The following SEM1 variants were observed in gnomAD, a reference collection of about 807,000 sequenced individuals.
The protein encoded by SEM1 is 26S proteasome complex subunit SEM1.
A neutral mutation model predicts 12.7 loss-of-function variants in SEM1; 3 were observed. That is an observed-to-expected ratio of 0.24 (90% confidence interval 0.11 to 0.61). SEM1 has a LOEUF of 0.61. Ranked by LOEUF, SEM1 falls within the 20% of genes least tolerant of loss-of-function variation. The pLI is 0.88. For synonymous variants in SEM1, 30 were observed against 27.8 expected, an observed-to-expected ratio of 1.08 and a Z score of -0.25; for missense variants, 59 against 81.3, an observed-to-expected ratio of 0.73 and a Z score of 1.06.
At chr7:96,600,721 G>A (rs977945649) in intron 2 of SEM1, among the ~76,000 whole-genome samples, 3 of 152,168 alleles carry the variant, frequency 2.0e-5, no homozygotes, top group African/African-American at 7.2e-5. Flanking sequence ...TCTGGCTAGT[G>A]ATGCTCAGTT....
intron 1 of SEM1, among the ~76,000 whole-genome samples, chr7:96,707,236 C>T (rs916705034): frequency 1.3e-5 from 2 of 152,282 alleles, no homozygotes; most frequent in African/African-American, 2.4e-5. Context: ...GACTCTAAAC[C>T]TTGACTAGAC....
downstream of SEM1, among the ~76,000 whole-genome samples, chr7:96,683,888 A>G (rs1000302202): frequency 3.9e-4 from 60 of 152,180 alleles, no homozygotes; most frequent in Admixed American, 6.5e-5. Flanking sequence ...GGGGTGGCGG[A>G]CTAGGGGAGG....
chr7:96,537,396 C>T (rs1804818936), intron 2 of SEM1, among the ~76,000 whole-genome samples: 2 of 151,684 alleles, frequency 1.3e-5, no homozygotes, highest in African/African-American at 4.8e-5. Context: ...AACTTTCTAA[C>T]TTCTTTCTTC....
chr7:96,500,561 C>T (rs968318324), upstream of SEM1, among the ~76,000 whole-genome samples: 6 of 152,056 alleles, frequency 3.9e-5, no homozygotes, highest in Non-Finnish European at 8.8e-5. Flanking sequence ...TATGTGTCCA[C>T]CTAAGAATAT....
intron 1 of SEM1, among the ~76,000 whole-genome samples, chr7:96,701,331 C>A (rs1417455506): frequency 6.6e-6 from 1 of 151,646 alleles, no homozygotes; most frequent in African/African-American, 2.4e-5. Context: ...TGAGGTCTTG[C>A]GGGTAGGGCT....
chr7:96,585,607 G>C (rs1466062453), intron 2 of SEM1, among the ~76,000 whole-genome samples: 1 of 152,382 alleles, frequency 6.6e-6, no homozygotes, highest in East Asian at 1.9e-4. Flanking sequence ...TGCTGTGCTA[G>C]CAATCAGCGA....
At chr7:96,700,646 T>G (rs1790241263) in intron 1 of SEM1, among the ~76,000 whole-genome samples, 1 of 152,240 alleles carries the variant, frequency 6.6e-6, no homozygotes, top group Admixed American at 6.5e-5. Flanking sequence ...TTTTCGCAGT[T>G]CATCACATCT....
intron 2 of SEM1, among the ~76,000 whole-genome samples, chr7:96,612,833 C>G (rs1391528271): frequency 6.6e-6 from 1 of 152,168 alleles, no homozygotes; most frequent in Non-Finnish European, 1.5e-5. Flanking sequence ...GACAGGGTTT[C>G]ACCATGTTAG....
intron 2 of SEM1, among the ~76,000 whole-genome samples, chr7:96,584,462 C>T (rs908085175): frequency 1.3e-5 from 2 of 152,084 alleles, no homozygotes; most frequent in African/African-American, 4.8e-5. Context: ...TTGCTCTTCT[C>T]GAGGAGTATC....
intron 2 of SEM1, among the ~76,000 whole-genome samples, chr7:96,532,444 T>C (rs940491754): frequency 2.6e-5 from 4 of 152,144 alleles, no homozygotes; most frequent in African/African-American, 9.6e-5. Context: ...AAATAAACAA[T>C]GTTTACTATG....
chr7:96,598,916 A>G (rs1392104742), intron 2 of SEM1, among the ~76,000 whole-genome samples: 2 of 152,180 alleles, frequency 1.3e-5, no homozygotes, highest in Admixed American at 1.3e-4. Context: ...TCTCTTGTTG[A>G]GAAAATTGCA....
downstream of SEM1, among the ~76,000 whole-genome samples, chr7:96,671,610 CAA>C (rs1246061331): frequency 6.6e-6 from 1 of 151,914 alleles, no homozygotes; most frequent in Non-Finnish European, 1.5e-5. Context: ...CCTGGGAGTT[CAA>C]AAAAGTCTTC....
exon 2 of SEM1, chr7:96,486,311 G>T: frequency 6.5e-7 from 1 of 1,537,078 alleles, no homozygotes; most frequent in Non-Finnish European, 8.7e-7. Context: ...GGGTCCTCTG[G>T]CCCGCTGAGC....
At chr7:96,703,494 TCAATTTGG>T (rs1366534953) in intron 1 of SEM1, among the ~76,000 whole-genome samples, 1 of 152,192 alleles carries the variant, frequency 6.6e-6, no homozygotes, top group East Asian at 1.9e-4. Flanking sequence ...GTCTGCCAAT[TCAATTTGG>T]CAATTCTTCT....
intron 2 of SEM1, among the ~76,000 whole-genome samples, chr7:96,517,519 G>A (rs947370820): frequency 6.6e-6 from 1 of 152,108 alleles, no homozygotes; most frequent in Non-Finnish European, 1.5e-5. Context: ...TTTCGGGTTA[G>A]ATATGTATTA....
At chr7:96,578,703 A>G (rs1477659882) in intron 2 of SEM1, among the ~76,000 whole-genome samples, 1 of 152,212 alleles carries the variant, frequency 6.6e-6, no homozygotes, top group Non-Finnish European at 1.5e-5. Context: ...AGTGTAAAAA[A>G]CAGAATTCTT....
intron 1 of SEM1, among the ~76,000 whole-genome samples, chr7:96,490,216 A>T (rs1802950638): frequency 6.6e-6 from 1 of 152,172 alleles, no homozygotes. Context: ...TTGTCTTAAA[A>T]GCTTGTTATA....
intron 2 of SEM1, among the ~76,000 whole-genome samples, chr7:96,534,906 T>C (rs1475269043): frequency 6.6e-6 from 1 of 152,046 alleles, no homozygotes; most frequent in Non-Finnish European, 1.5e-5. Flanking sequence ...TTTTAACATT[T>C]CTGTTTTAAT....
chr7:96,657,617 G>A (rs1015379177), intron 2 of SEM1, among the ~76,000 whole-genome samples: 3 of 152,224 alleles, frequency 2.0e-5, no homozygotes, highest in Non-Finnish European at 2.9e-5. Flanking sequence ...GGGTTTTCTC[G>A]GTTGGAAAAC....
Sources: allele counts gnomAD v4.1 joint callset (sites outside exome capture counted in the v4.1 genomes callset), GRCh38; gene constraint gnomAD v4.1.1; transcripts MANE v1.5; gene names NCBI Gene and HGNC (gene_info 2026-07-23, HGNC 2026-07-21).